The following CMTM8 variants were observed in gnomAD, a reference collection of about 807,000 sequenced individuals.
CMTM8 encodes CKLF like MARVEL transmembrane domain containing 8.
In CMTM8, 12 loss-of-function variants were observed where a neutral mutation model predicts 18.6. The ratio of observed to expected loss-of-function variants is 0.65; its 90% confidence interval spans 0.41 to 1.05. The LOEUF (loss-of-function observed/expected upper bound fraction) is 1.05, where lower values mean the gene tolerates loss of function less well. Ranked by LOEUF, CMTM8 falls within the 50% of genes least tolerant of loss-of-function variation. CMTM8 has a pLI of 0.00. For synonymous variants in CMTM8, 87 were observed against 90.6 expected (o/e 0.96, Z 0.23); for missense variants, 217 against 227.2 (o/e 0.95, Z 0.29).
At chr3:32,342,095 A>G (rs1211372851) in intron 1 of CMTM8, among the ~76,000 whole-genome samples, 1 of 151,906 alleles carries the variant, frequency 6.6e-6, no homozygotes, top group Non-Finnish European at 1.5e-5. Context: ...TAAAAACATA[A>G]AAATTAGCTG....
intron 1 of CMTM8, among the ~76,000 whole-genome samples, chr3:32,344,489 C>T (rs1696557291): frequency 6.6e-6 from 1 of 152,222 alleles, no homozygotes; most frequent in Non-Finnish European, 1.5e-5. Flanking sequence ...GAATAAATGA[C>T]ACTTTTTAAC....
At chr3:32,341,496 A>G (rs551885102) in intron 1 of CMTM8, among the ~76,000 whole-genome samples, 1 of 152,158 alleles carries the variant, frequency 6.6e-6, no homozygotes, top group Non-Finnish European at 1.5e-5. Context: ...ATTTTAGAAA[A>G]TATGTATTAT....
intron 1 of CMTM8, among the ~76,000 whole-genome samples, chr3:32,246,566 C>T (rs1702018645): frequency 6.6e-6 from 1 of 152,154 alleles, no homozygotes; most frequent in Admixed American, 6.5e-5. Context: ...TCTGAATGTG[C>T]CTGCTTTCCT....
intron 1 of CMTM8, chr3:32,244,058 GC>G: frequency 6.0e-6 from 1 of 165,838 alleles, no homozygotes; most frequent in Non-Finnish European, 1.3e-5. Context: ...CAACATAGCT[GC>G]CCCCTGCGCC....
chr3:32,266,829 A>G (rs898019243), intron 1 of CMTM8, among the ~76,000 whole-genome samples: 3 of 152,236 alleles, frequency 2.0e-5, no homozygotes, highest in Admixed American at 2.0e-4. Flanking sequence ...CAGCCAAATC[A>G]TGAGTGAACT....
At chr3:32,353,192 C>T (rs1429591312) in intron 1 of CMTM8, among the ~76,000 whole-genome samples, 1 of 152,128 alleles carries the variant, frequency 6.6e-6, no homozygotes, top group Non-Finnish European at 1.5e-5. Context: ...TGGGGTTTTA[C>T]CATGTTAGCC....
chr3:32,301,671 CA>C (rs1338573104), intron 1 of CMTM8, among the ~76,000 whole-genome samples: 4 of 150,774 alleles, frequency 2.7e-5, no homozygotes, highest in African/African-American at 9.8e-5. Flanking sequence ...CCTGAAATCT[CA>C]TACAGTTTTC....
At position 32,357,499 on chromosome 3, in the gene CMTM8, A is replaced by G; in HGVS notation, c.274A>G (p.Ile92Val). The change falls in exon 2 of 4, where the codon ATA becomes GTA. Residue 92 changes from isoleucine to valine, a missense_variant. By Grantham distance (29) the Ile-to-Val change is conservative (BLOSUM62 3). Transcript: ENST00000307526. ...CACCGTCTTCTTCCTCATTATCTAC[A>G]TAACAATGACCTACACCAGGATTCC... The part of the protein sequence containing the change: ...VLTVFFLIIY[I>V]TMTYTRIPQV... 6.2e-7 allele frequency: 1 copy of G among 1,614,050 alleles called. No homozygotes were observed. Among genetic ancestry groups the G allele is most frequent in the Non-Finnish European group, 8.5e-7 (1 of 1,180,000 alleles).
Position 32,312,651 on chromosome 3 carries a change from G to A in CMTM8, c.148-44722G>A, listed in dbSNP as rs116318745. Among the ~76,000 whole-genome samples the A allele has an allele frequency of 9.7e-3, 1,478 of 152,050 alleles. 34 individuals are homozygous for A. Among genetic ancestry groups the A allele is most frequent in the African/African-American group, 0.034 (1,397 of 41,412 alleles). On this transcript the variant is annotated intron_variant, in intron 1 of 3. Coordinates refer to ENST00000307526, the MANE Select transcript of CMTM8 (RefSeq NM_178868.5). ...TATGGAGGCTGCATGACAGAAGCACGCTAGATTAAATCACTGGCCATTGGT... is the reference window on the plus strand; with the variant it reads ...TATGGAGGCTGCATGACAGAAGCACACTAGATTAAATCACTGGCCATTGGT...
rs11708624 is a variant in CMTM8 at position 32,298,361 on chromosome 3, C to A, written c.148-59012C>A. On this transcript the variant is annotated intron_variant, in intron 1 of 3. Coordinates refer to ENST00000307526, the MANE Select transcript of CMTM8 (RefSeq NM_178868.5). ...TGCTGGGATTACAGGCGTGAGCCATCACGTCCAGCCCCTAATTAAAAACTC... is the reference window on the plus strand; with the variant it reads ...TGCTGGGATTACAGGCGTGAGCCATAACGTCCAGCCCCTAATTAAAAACTC... Among the ~76,000 whole-genome samples, 543 of 152,022 alleles carry A rather than the reference C, an allele frequency of 3.6e-3. 2 individuals are homozygous for A. Among genetic ancestry groups the A allele is most frequent in the Non-Finnish European group, 5.4e-3 (370 of 67,972 alleles).
intron 1 of CMTM8, among the ~76,000 whole-genome samples, chr3:32,290,113 C>CA (rs199969587): frequency 1.3e-5 from 2 of 149,508 alleles, no homozygotes; most frequent in Non-Finnish European, 3.0e-5. Flanking sequence ...GACCCTGTCT[C>CA]AAAAAAAAGA....
In CMTM8 at chr3:32,361,286, G is replaced by GTTTTTTTTTTGTTTTTTTTTTTTTTT. The variant is rs58364646; in HGVS notation, c.321+3749_321+3750insTGTTTTTTTTTTTTTTTTTTTTTTTT. 2.2e-4 allele frequency among the ~76,000 whole-genome samples: 19 copies of GTTTTTTTTTTGTTTTTTTTTTTTTTT among 87,228 alleles called. 1 individual carries two copies. The highest frequency in any genetic ancestry group is 5.2e-4 in the African/African-American group (13 of 24,926). 57.2% of individuals were successfully genotyped at this position (87,228 alleles called of 152,430 possible). A position where few individuals can be genotyped will look rare whatever the true frequency, so the allele number is the denominator to read the frequency against. On this transcript the variant is annotated intron_variant, in intron 2 of 3. Transcript: ENST00000307526. ...GTGAGCCACGGCGCCCAGCCTAAGA[G>GTTTTTTTTTTGTTTTTTTTTTTTTTT]TTTTTTTTTCTTTCAAATTTTGGAA...
chr3:32,346,042 G>T (rs60962429), intron 1 of CMTM8, among the ~76,000 whole-genome samples: 12,304 of 152,182 alleles, frequency 0.081, 584 homozygotes, highest in East Asian at 0.18. Context: ...TAGTCCCACA[G>T]GCTTGGGAGG....
intron 1 of CMTM8, among the ~76,000 whole-genome samples, chr3:32,320,241 G>A (rs116537770): frequency 0.018 from 2,810 of 152,330 alleles, 56 homozygotes; most frequent in East Asian, 0.05. Context: ...CCCGTCACCT[G>A]ATGAATCTAT....
intron 1 of CMTM8, among the ~76,000 whole-genome samples, chr3:32,265,421 A>G (rs1432005327): frequency 6.6e-6 from 1 of 152,236 alleles, no homozygotes; most frequent in African/African-American, 2.4e-5. Context: ...CAAAGAGACA[A>G]CATACCAGAA....
At chr3:32,263,029 A>G (rs998066827) in intron 1 of CMTM8, among the ~76,000 whole-genome samples, 4 of 151,548 alleles carry the variant, frequency 2.6e-5, no homozygotes, top group African/African-American at 9.8e-5. Flanking sequence ...GAACAGCTCC[A>G]ATCTACAGCT....
chr3:32,247,120 A>T (rs748626392), intron 1 of CMTM8, among the ~76,000 whole-genome samples: 4 of 152,184 alleles, frequency 2.6e-5, no homozygotes, highest in African/African-American at 9.7e-5. Flanking sequence ...AAATTAAAAA[A>T]AGATAAGTTT....
chr3:32,330,458 G>A (rs992447784), intron 1 of CMTM8, among the ~76,000 whole-genome samples: 2 of 152,028 alleles, frequency 1.3e-5, no homozygotes, highest in African/African-American at 4.8e-5. Context: ...ACTCCAGGCT[G>A]GGCAACATAA....
At chr3:32,242,816 A>G (rs1211981997) in intron 1 of CMTM8, among the ~76,000 whole-genome samples, 1 of 148,632 alleles carries the variant, frequency 6.7e-6, no homozygotes, top group Non-Finnish European at 1.5e-5. Flanking sequence ...GTTTCAGGAG[A>G]CTCCTCCCCA....
Sources: gnomAD v4.1 joint callset for allele counts (sites outside exome capture counted in the v4.1 genomes callset) on GRCh38, gnomAD v4.1.1 for gene constraint, MANE v1.5 for transcripts, NCBI Gene and HGNC (gene_info 2026-07-23, HGNC 2026-07-21) for gene names.